Variants in SRGAP3 observed in about 807,000 individuals in gnomAD.
The protein encoded by SRGAP3 is SLIT-ROBO Rho GTPase-activating protein 3.
A neutral mutation model predicts 121.1 loss-of-function variants in SRGAP3; 39 were observed. The observed-to-expected ratio is 0.32, with a 90% CI of 0.25 to 0.42. SRGAP3 has a LOEUF of 0.42. SRGAP3 is among the 10% of genes least tolerant of loss of function. SRGAP3 has a pLI of 1.00. For synonymous variants in SRGAP3, 601 were observed against 570.0 expected (o/e 1.05, Z -0.77); for missense variants, 1,213 against 1,470.6 (o/e 0.82, Z 2.86).
At chr3:9,234,624 T>C (rs1953338749) in intron 1 of SRGAP3, among the ~76,000 whole-genome samples, 1 of 152,164 alleles carries the variant, frequency 6.6e-6, no homozygotes, top group African/African-American at 2.4e-5. Flanking sequence ...AATCCAGGTC[T>C]TTCTATTTGA....
intron 3 of SRGAP3, among the ~76,000 whole-genome samples, chr3:9,271,801 A>C (rs1954483093): frequency 6.6e-6 from 1 of 152,158 alleles, no homozygotes; most frequent in South Asian, 2.1e-4. Flanking sequence ...AGTAATTTAC[A>C]CCTCTGTCCT....
chr3:9,337,945 T>C (rs1955719093), intron 1 of SRGAP3, among the ~76,000 whole-genome samples: 1 of 152,234 alleles, frequency 6.6e-6, no homozygotes, highest in African/African-American at 2.4e-5. Flanking sequence ...CAATGCCAGT[T>C]TTTACTTAAC....
chr3:9,220,841 G>A (rs1168780025), intron 1 of SRGAP3, among the ~76,000 whole-genome samples: 1 of 152,182 alleles, frequency 6.6e-6, no homozygotes, highest in Non-Finnish European at 1.5e-5. Context: ...ACACAGGAAA[G>A]TTTTAATGAG....
intron 12 of SRGAP3, among the ~76,000 whole-genome samples, 200 bp from the exon 13 acceptor site, chr3:9,027,195 A>G (rs1030215443): frequency 2.0e-5 from 3 of 152,240 alleles, no homozygotes; most frequent in African/African-American, 7.2e-5. Context: ...AAAAAGGCAT[A>G]GCTATGATTA....
chr3:9,130,451 T>C (rs1409459785), intron 1 of SRGAP3, among the ~76,000 whole-genome samples: 4 of 152,150 alleles, frequency 2.6e-5, no homozygotes, highest in Non-Finnish European at 5.9e-5. Flanking sequence ...AATATAACTA[T>C]GCAGTGAGTG....
intron 1 of SRGAP3, among the ~76,000 whole-genome samples, chr3:9,230,694 A>G (rs1046131943): frequency 6.6e-6 from 1 of 152,072 alleles, no homozygotes; most frequent in Non-Finnish European, 1.5e-5. Context: ...AAATAGCAAG[A>G]CGCTGTCTCT....
At chr3:9,265,305 T>C (rs1275569015) in intron 3 of SRGAP3, among the ~76,000 whole-genome samples, 1 of 152,164 alleles carries the variant, frequency 6.6e-6, no homozygotes, top group Non-Finnish European at 1.5e-5. Flanking sequence ...ATTCAGGACA[T>C]AGGCATGGGC....
intron 1 of SRGAP3, among the ~76,000 whole-genome samples, chr3:9,155,274 A>T (rs904387853): frequency 2.0e-5 from 3 of 152,162 alleles, no homozygotes; most frequent in African/African-American, 7.2e-5. Flanking sequence ...ATGTCAGGCT[A>T]GCCGTTGTCC....
chr3:9,327,526 A>G (rs1409668565), intron 2 of SRGAP3, among the ~76,000 whole-genome samples: 1 of 152,216 alleles, frequency 6.6e-6, no homozygotes, highest in Non-Finnish European at 1.5e-5. Flanking sequence ...ACATATTACA[A>G]TGTTAACTCT....
intron 3 of SRGAP3, among the ~76,000 whole-genome samples, chr3:9,104,390 T>C (rs1948332527): frequency 6.6e-6 from 1 of 152,248 alleles, no homozygotes; most frequent in African/African-American, 2.4e-5. Flanking sequence ...ATCGTCATTC[T>C]TTAAAATTTT....
At chr3:9,182,293 A>T (rs569020672) in intron 1 of SRGAP3, among the ~76,000 whole-genome samples, 4 of 152,098 alleles carry the variant, frequency 2.6e-5, no homozygotes, top group Admixed American at 2.6e-4. Context: ...AGTTAAAATG[A>T]GGTCATCAGG....
intron 3 of SRGAP3, among the ~76,000 whole-genome samples, chr3:9,103,382 T>C (rs751445223): frequency 6.6e-5 from 10 of 152,106 alleles, no homozygotes; most frequent in Non-Finnish European, 1.0e-4. Context: ...ACCTACTAAG[T>C]GCCAAGTGAT....
At chr3:9,242,412 A>G (rs1012069333) in intron 1 of SRGAP3, among the ~76,000 whole-genome samples, 1 of 152,226 alleles carries the variant, frequency 6.6e-6, no homozygotes, top group Non-Finnish European at 1.5e-5. Flanking sequence ...AGGCGGGTGG[A>G]TCACCTGAGG....
At chr3:9,310,518 A>G (rs1393028458) in intron 3 of SRGAP3, among the ~76,000 whole-genome samples, 1 of 152,022 alleles carries the variant, frequency 6.6e-6, no homozygotes, top group Non-Finnish European at 1.5e-5. Flanking sequence ...ACTCCAGGAG[A>G]TGTTTGCCAG....
intron 14 of SRGAP3, chr3:9,016,077 G>A (rs563881568): frequency 1.1e-4 from 37 of 328,334 alleles, no homozygotes; most frequent in Non-Finnish European, 1.9e-4. Context: ...ACACACCACC[G>A]CTAACTACTT....
chr3:8,981,429 A>C lies in SRGAP3; in HGVS notation c.*4090T>G, dbSNP rs1941409861. On this transcript the variant is annotated 3_prime_UTR_variant, in exon 22 of 22. Coordinates refer to ENST00000383836, the MANE Select transcript of SRGAP3 (RefSeq NM_014850.4). ...CTCAGGAGAGTGAGGCATTTGCACT[A>C]GTGTGGAACCATCTGGATGTGTGAA... 1 of 232,536 alleles carries C rather than the reference A, an allele frequency of 4.3e-6. No individual in the cohort carries two copies. The highest frequency in any genetic ancestry group is 6.1e-5 in the East Asian group (1 of 16,478). The allele number at this position is 232,536 out of a possible 1,614,324, so 14.4% of individuals were successfully genotyped here. A position where few individuals can be genotyped will look rare whatever the true frequency, so the allele number is the denominator to read the frequency against.
chr3:9,247,923 C>A (rs1318301772), intron 1 of SRGAP3, among the ~76,000 whole-genome samples: 1 of 152,220 alleles, frequency 6.6e-6, no homozygotes, highest in Non-Finnish European at 1.5e-5. Flanking sequence ...GAGCCTAGAA[C>A]GTGTAGGGGT....
intron 4 of SRGAP3, among the ~76,000 whole-genome samples, chr3:9,073,125 G>A (rs1946796979): frequency 6.6e-6 from 1 of 152,120 alleles, no homozygotes; most frequent in Non-Finnish European, 1.5e-5. Context: ...ATGCAGGTTC[G>A]TAGTTTATTT....
At chr3:9,087,773 T>C (rs191703072) in intron 3 of SRGAP3, among the ~76,000 whole-genome samples, 4 of 152,158 alleles carry the variant, frequency 2.6e-5, no homozygotes, top group Admixed American at 6.6e-5. Flanking sequence ...AAGTTTAAGA[T>C]GACCAGGGCT....
Sources: allele counts gnomAD v4.1 joint callset (sites outside exome capture counted in the v4.1 genomes callset), GRCh38; gene constraint gnomAD v4.1.1; transcripts MANE v1.5; gene names NCBI Gene and HGNC (gene_info 2026-07-23, HGNC 2026-07-21).